The following SLC20A2 variants were observed in gnomAD, a reference collection of about 807,000 sequenced individuals.
SLC20A2 encodes solute carrier family 20 member 2.
A neutral mutation model predicts 61.0 loss-of-function variants in SLC20A2; 30 were observed. The observed-to-expected ratio is 0.49, with a 90% CI of 0.37 to 0.67. The LOEUF (loss-of-function observed/expected upper bound fraction) is 0.67, where lower values mean the gene tolerates loss of function less well. Among genes scored for constraint, SLC20A2 ranks in the 30% least tolerant of loss-of-function variants. The pLI, the probability that SLC20A2 is intolerant of heterozygous loss-of-function variation, is 0.00. For synonymous variants in SLC20A2, 351 were observed against 353.3 expected (o/e 0.99, Z 0.07); for missense variants, 626 against 866.4 (o/e 0.72, Z 3.48).
intron 1 of SLC20A2, among the ~76,000 whole-genome samples, chr8:42,489,443 C>T (rs552986275): frequency 1.7e-4 from 26 of 151,442 alleles, no homozygotes; most frequent in Non-Finnish European, 2.7e-4. Flanking sequence ...CCCCCCACCC[C>T]GCCCCATGTG....
chr8:42,459,851 T>A, intron 5 of SLC20A2, 45 bp downstream of exon 5: 1 of 1,241,662 alleles, frequency 8.1e-7, no homozygotes, highest in Non-Finnish European at 1.2e-6. Flanking sequence ...ACTGTTAGAA[T>A]ACAATGCACT....
chr8:42,503,757 G>A (rs143101753), upstream of SLC20A2, among the ~76,000 whole-genome samples: 78 of 152,284 alleles, frequency 5.1e-4, no homozygotes, highest in African/African-American at 1.9e-3. Flanking sequence ...GACTATCATA[G>A]TGGAAAGCCA....
chr8:42,533,004 AAAT>A (rs1236141947), intron 1 of SLC20A2, among the ~76,000 whole-genome samples: 1 of 152,246 alleles, frequency 6.6e-6, no homozygotes, highest in Non-Finnish European at 1.5e-5. Flanking sequence ...CGAAGAGGAA[AAAT>A]ATAAAAGTGG....
chr8:42,473,254 G>C (rs1198629967), intron 1 of SLC20A2, among the ~76,000 whole-genome samples: 1 of 152,162 alleles, frequency 6.6e-6, no homozygotes, highest in Non-Finnish European at 1.5e-5. Flanking sequence ...GAAGCCTGGA[G>C]AATGAGGCAA....
intron 4 of SLC20A2, among the ~76,000 whole-genome samples, chr8:42,461,392 C>A (rs1417995023): frequency 6.6e-6 from 1 of 152,032 alleles, no homozygotes; most frequent in East Asian, 1.9e-4. Flanking sequence ...CCAATAACTT[C>A]TGCAGGTGGA....
At chr8:42,453,273 G>A (rs1805886773) in intron 5 of SLC20A2, among the ~76,000 whole-genome samples, 1 of 152,134 alleles carries the variant, frequency 6.6e-6, no homozygotes, top group South Asian at 2.1e-4. Context: ...TCCAACCCAA[G>A]TAAGCATTTT....
chr8:42,447,823 G>C (rs1042394723), intron 5 of SLC20A2, among the ~76,000 whole-genome samples: 4 of 152,228 alleles, frequency 2.6e-5, no homozygotes, highest in African/African-American at 9.6e-5. Flanking sequence ...TAAGGTCACT[G>C]GGGGAGGACA....
At chr8:42,424,441 G>A (rs537115073) in intron 10 of SLC20A2, among the ~76,000 whole-genome samples, 5 of 152,166 alleles carry the variant, frequency 3.3e-5, no homozygotes, top group East Asian at 3.9e-4. Context: ...TCAGCCTCCC[G>A]AGTAGCTAGG....
rs137859841 is a variant in SLC20A2, at chr8:42,488,430, C to T, written c.-265+12601G>A. On this transcript the variant is annotated intron_variant, in intron 1 of 10. Transcript: ENST00000520262. ...GTCTCAAACTCCTGACCTTGTGATC[C>T]GCCCGCCTCAGCCTCCCAAAGTGCT... is the stretch of plus-strand genomic sequence containing the variant. Among the ~76,000 whole-genome samples, 831 of 151,924 alleles carry T rather than the reference C, an allele frequency of 5.5e-3. 8 individuals carry two copies. The highest frequency in any genetic ancestry group is 0.011 in the South Asian group (52 of 4,800).
At chr8:42,436,572 T>G (rs1804276051) in intron 8 of SLC20A2, among the ~76,000 whole-genome samples, 1 of 152,132 alleles carries the variant, frequency 6.6e-6, no homozygotes, top group African/African-American at 2.4e-5. Context: ...GGCGAGGCCT[T>G]CCTTCCTGTG....
intron 2 of SLC20A2, chr8:42,470,976 A>G: frequency 4.2e-6 from 1 of 236,642 alleles, no homozygotes; most frequent in Non-Finnish European, 8.6e-6. Context: ...TCTGTCTCAA[A>G]AAAAAAAAAA....
intron 1 of SLC20A2, among the ~76,000 whole-genome samples, chr8:42,509,753 CAACAA>C (rs959893370): frequency 6.6e-6 from 1 of 151,654 alleles, no homozygotes; most frequent in Non-Finnish European, 1.5e-5. Context: ...GAACTTGTCT[CAACAA>C]AACAAAACAA....
At chr8:42,466,551 T>C (rs930900815) in intron 2 of SLC20A2, among the ~76,000 whole-genome samples, 1 of 152,222 alleles carries the variant, frequency 6.6e-6, no homozygotes, top group African/African-American at 2.4e-5. Context: ...AGGCAATATA[T>C]TGGGAAAAGA....
chr8:42,492,930 C>T (rs1424233427), intron 1 of SLC20A2, among the ~76,000 whole-genome samples: 1 of 152,208 alleles, frequency 6.6e-6, no homozygotes, highest in East Asian at 1.9e-4. Context: ...ATCCACCCAC[C>T]TCAGCCTCCC....
At chr8:42,526,780 A>C (rs1417364273) in intron 1 of SLC20A2, among the ~76,000 whole-genome samples, 1 of 152,058 alleles carries the variant, frequency 6.6e-6, no homozygotes, top group Non-Finnish European at 1.5e-5. Context: ...TAATTTTAGC[A>C]AATGTATGAC....
At chr8:42,534,287 AAAAT>A (rs951181337) in intron 1 of SLC20A2, among the ~76,000 whole-genome samples, 4 of 152,216 alleles carry the variant, frequency 2.6e-5, no homozygotes, top group Non-Finnish European at 4.4e-5. Flanking sequence ...TGTCTCAAAA[AAAAT>A]AAATAAAAAG....
At chr8:42,466,561 A>G (rs1204671216) in intron 2 of SLC20A2, among the ~76,000 whole-genome samples, 1 of 152,192 alleles carries the variant, frequency 6.6e-6, no homozygotes, top group Non-Finnish European at 1.5e-5. Context: ...TTGGGAAAAG[A>G]TTTTGTTGTA....
At chr8:42,446,287 C>T (rs377182751) in intron 5 of SLC20A2, among the ~76,000 whole-genome samples, 6 of 152,330 alleles carry the variant, frequency 3.9e-5, no homozygotes, top group East Asian at 3.9e-4. Flanking sequence ...GGTTTGAGAA[C>T]GTCATCTTTT....
chr8:42,530,998 G>A (rs1256853409), intron 1 of SLC20A2, among the ~76,000 whole-genome samples: 1 of 152,158 alleles, frequency 6.6e-6, no homozygotes. Context: ...GGGATTACAG[G>A]GGTGAGTCAC....
Sources: allele counts gnomAD v4.1 joint callset (sites outside exome capture counted in the v4.1 genomes callset), GRCh38; gene constraint gnomAD v4.1.1; transcripts MANE v1.5; gene names NCBI Gene and HGNC (gene_info 2026-07-23, HGNC 2026-07-21).